Variants in RBFOX1 observed in about 807,000 individuals in gnomAD.
RBFOX1 encodes RNA binding protein fox-1 homolog 1.
RBFOX1 carries 8 observed loss-of-function variants against 57.7 expected under a neutral mutation model. That is an observed-to-expected ratio of 0.14 (90% CI 0.08 to 0.25). The LOEUF (loss-of-function observed/expected upper bound fraction) is 0.25, where lower values mean the gene tolerates loss of function less well. RBFOX1 is among the 10% of genes least tolerant of loss of function. The pLI is 1.00. For synonymous variants in RBFOX1, 326 were observed against 222.4 expected (o/e 1.47, Z -4.15); for missense variants, 611 against 548.5 (o/e 1.11, Z -1.14).
chr16:5,560,802 C>A (rs772362311), intron 2 of RBFOX1, among the ~76,000 whole-genome samples: 3 of 152,154 alleles, frequency 2.0e-5, no homozygotes, highest in African/African-American at 7.2e-5. Context: ...ATATACTTTG[C>A]AGTCCTTTTA....
intron 4 of RBFOX1, among the ~76,000 whole-genome samples, chr16:7,419,313 C>G (rs957144120): frequency 6.6e-6 from 1 of 152,174 alleles, no homozygotes; most frequent in African/African-American, 2.4e-5. Flanking sequence ...GTGACACTCC[C>G]CTTAGCTGGG....
chr16:6,892,896 T>C (rs1207878530), intron 3 of RBFOX1, among the ~76,000 whole-genome samples: 1 of 149,928 alleles, frequency 6.7e-6, no homozygotes, highest in Non-Finnish European at 1.5e-5. Context: ...TTCTCACCAC[T>C]CACTCTCAGT....
intron 2 of RBFOX1, among the ~76,000 whole-genome samples, chr16:6,645,566 GTC>G (rs1171410913): frequency 5.9e-5 from 9 of 152,104 alleles, no homozygotes; most frequent in Non-Finnish European, 1.3e-4. Flanking sequence ...AAGAAAAGAA[GTC>G]TCTCTCGGGA....
chr16:5,953,438 CA>C (rs2152279068), intron 4 of RBFOX1, among the ~76,000 whole-genome samples: 1 of 152,182 alleles, frequency 6.6e-6, no homozygotes, highest in East Asian at 1.9e-4. Flanking sequence ...GTACATCTAT[CA>C]CCTGAGCACT....
At chr16:7,054,990 G>A (rs965303544) in intron 4 of RBFOX1, among the ~76,000 whole-genome samples, 1 of 152,158 alleles carries the variant, frequency 6.6e-6, no homozygotes, top group Non-Finnish European at 1.5e-5. Flanking sequence ...AATACTTGGT[G>A]TTAGGATCTC....
chr16:6,481,258 C>T (rs543834164), intron 2 of RBFOX1, among the ~76,000 whole-genome samples: 1 of 152,314 alleles, frequency 6.6e-6, no homozygotes, highest in African/African-American at 2.4e-5. Flanking sequence ...CTTGTAGTTA[C>T]AGCTGTAAAT....
At chr16:6,017,340 T>C (rs2095000831), upstream of RBFOX1, among the ~76,000 whole-genome samples, 2 of 152,228 alleles carry the variant, frequency 1.3e-5, no homozygotes, top group South Asian at 4.1e-4. Context: ...GATAATTTGC[T>C]TTTAAATTGA....
chr16:6,302,698 A>G (rs1443517059), intron 1 of RBFOX1, among the ~76,000 whole-genome samples: 1 of 152,176 alleles, frequency 6.6e-6, no homozygotes, highest in East Asian at 1.9e-4. Context: ...TTTTTAAAAC[A>G]AGAAGGTCTA....
chr16:5,783,318 C>A (rs1036583321), intron 3 of RBFOX1, among the ~76,000 whole-genome samples: 1 of 152,178 alleles, frequency 6.6e-6, no homozygotes, highest in African/African-American at 2.4e-5. Context: ...CTTTTCGCTG[C>A]TTAGCAATCT....
chr16:6,997,714 A>G lies in RBFOX1; in HGVS notation c.-15-54343A>G, dbSNP rs117408438. 8.9e-3 allele frequency among the ~76,000 whole-genome samples: 1,349 copies of G among 152,288 alleles called. 15 individuals carry two copies. Among genetic ancestry groups the G allele is most frequent in the Non-Finnish European group, 0.015 (1,024 of 68,022 alleles). On this transcript the variant is annotated intron_variant, in intron 3 of 15. Transcript: ENST00000550418. ...AGAAAACTTTTGGTTAATGATTAGT[A>G]TAAATCTTGTAATGGAACTTAATTG...
chr16:5,474,270 T>A (rs1304929642), intron 2 of RBFOX1, among the ~76,000 whole-genome samples: 1 of 152,196 alleles, frequency 6.6e-6, no homozygotes, highest in African/African-American at 2.4e-5. Context: ...TAATTTCCAC[T>A]TACACTATAG....
chr16:6,797,811 A>G (rs2084436245), intron 3 of RBFOX1, among the ~76,000 whole-genome samples: 1 of 152,180 alleles, frequency 6.6e-6, no homozygotes, highest in Admixed American at 6.5e-5. Flanking sequence ...GTAACACAAC[A>G]TTATGTCTGC....
intron 3 of RBFOX1, among the ~76,000 whole-genome samples, chr16:5,703,437 G>C (rs2051123816): frequency 6.6e-6 from 1 of 152,320 alleles, no homozygotes; most frequent in African/African-American, 2.4e-5. Flanking sequence ...GAGAACTGGA[G>C]CCCAGAGGGC....
At chr16:5,817,911 C>T (rs949624989) in intron 3 of RBFOX1, among the ~76,000 whole-genome samples, 14 of 151,914 alleles carry the variant, frequency 9.2e-5, no homozygotes, top group Admixed American at 4.6e-4. Flanking sequence ...AGGATGGTCT[C>T]GATCTCCTGA....
intron 4 of RBFOX1, among the ~76,000 whole-genome samples, chr16:5,918,378 C>A (rs2058752936): frequency 6.6e-6 from 1 of 152,214 alleles, no homozygotes; most frequent in Non-Finnish European, 1.5e-5. Flanking sequence ...CCTTCGCCTC[C>A]CAAAGTGCTG....
intron 3 of RBFOX1, among the ~76,000 whole-genome samples, chr16:5,759,084 G>C (rs939517604): frequency 1.3e-5 from 2 of 152,154 alleles, no homozygotes; most frequent in African/African-American, 2.4e-5. Flanking sequence ...GAGGCTACTA[G>C]TATATACTTC....
At chr16:7,157,326 A>G (rs2077362704) in intron 4 of RBFOX1, among the ~76,000 whole-genome samples, 1 of 152,216 alleles carries the variant, frequency 6.6e-6, no homozygotes, top group African/African-American at 2.4e-5. Context: ...ACTATCACAG[A>G]AAACATGTGT....
intron 1 of RBFOX1, among the ~76,000 whole-genome samples, chr16:5,261,608 G>A (rs963200527): frequency 2.1e-5 from 3 of 144,656 alleles, no homozygotes. Context: ...TGAGTGCAGT[G>A]GTGTGATCCC....
At chr16:5,525,209 C>T (rs2044191506) in intron 2 of RBFOX1, among the ~76,000 whole-genome samples, 1 of 152,130 alleles carries the variant, frequency 6.6e-6, no homozygotes, top group African/African-American at 2.4e-5. Flanking sequence ...AGGGTCCGGT[C>T]TTCATCTTTG....
Sources: gnomAD v4.1 joint callset for allele counts (sites outside exome capture counted in the v4.1 genomes callset) on GRCh38, gnomAD v4.1.1 for gene constraint, MANE v1.5 for transcripts, NCBI Gene and HGNC (gene_info 2026-07-23, HGNC 2026-07-21) for gene names.